Variants in ARHGEF10 observed in about 807,000 individuals in gnomAD.
ARHGEF10 encodes Rho guanine nucleotide exchange factor 10, also known as Rho guanine nucleotide exchange factor (GEF) 10.
ARHGEF10 carries 140 observed loss-of-function variants against 147.4 expected under a neutral mutation model. The ratio of observed to expected loss-of-function variants is 0.95; its 90% CI spans 0.83 to 1.09. ARHGEF10 has a LOEUF of 1.09. Among genes scored for constraint, ARHGEF10 ranks in the 50% least tolerant of loss-of-function variants. The pLI is 0.00. For missense variants in ARHGEF10, 2,222 were observed against 1,752.7 expected (o/e 1.27, Z -4.78); for synonymous variants, 902 against 695.8 (o/e 1.30, Z -4.67).
rs138644258 is a variant in ARHGEF10 at position 1,865,988 on chromosome 8, G to A, written c.546-538G>A. Among the ~76,000 whole-genome samples the A allele has an allele frequency of 9.8e-3, 1,498 of 152,280 alleles. 35 individuals are homozygous for A. The highest frequency in any genetic ancestry group is 0.034 in the African/African-American group (1,405 of 41,540). ...TCATCCTTCCGAGTGGAGCATTCCCGTAGCTACCCATTGCAAAGGATGACA... is the reference window on the plus strand; with the variant it reads ...TCATCCTTCCGAGTGGAGCATTCCCATAGCTACCCATTGCAAAGGATGACA... On this transcript the variant is annotated intron_variant, in intron 5 of 28. Coordinates refer to ENST00000349830, the MANE Select transcript of ARHGEF10 (RefSeq NM_014629.4).
rs56203106 is a variant in ARHGEF10, at chr8:1,858,167, A to G, written c.193+52A>G. Reference sequence around the variant, plus strand: ...GAGTCCCCAGGTGGGTCCCCAGGTGAGTCCCCAGGTGGGTCCCCATGTGAG... The same window carrying G: ...GAGTCCCCAGGTGGGTCCCCAGGTGGGTCCCCAGGTGGGTCCCCATGTGAG... On this transcript the variant is annotated intron_variant, in intron 3 of 28. Coordinates refer to ENST00000349830, the MANE Select transcript of ARHGEF10 (RefSeq NM_014629.4). 0.42 allele frequency: 524,529 copies of G among 1,247,260 alleles called. 91,141 individuals carry two copies. Among genetic ancestry groups the G allele is most frequent in the East Asian group, 0.5 (18,180 of 36,160 alleles). 77.3% of individuals were successfully genotyped at this position (1,247,260 alleles called of 1,614,324 possible).
At chr8:1,911,474 G>T (rs946936571) in intron 18 of ARHGEF10, among the ~76,000 whole-genome samples, 1 of 152,164 alleles carries the variant, frequency 6.6e-6, no homozygotes, top group African/African-American at 2.4e-5. Context: ...TATTTAAAAT[G>T]TGCTAATTCT....
chr8:1,917,727 A>T (rs181304413), intron 18 of ARHGEF10, among the ~76,000 whole-genome samples: 188 of 152,102 alleles, frequency 1.2e-3, no homozygotes, highest in African/African-American at 4.3e-3. Context: ...CTGGAAGTCA[A>T]CTCTAACAAA....
At chr8:1,851,425 C>T (rs1011431733) in intron 2 of ARHGEF10, among the ~76,000 whole-genome samples, 3 of 152,186 alleles carry the variant, frequency 2.0e-5, no homozygotes, top group African/African-American at 4.8e-5. Context: ...CTAACACACA[C>T]CGTGGGCTTT....
chr8:1,912,648 C>G (rs142723762), intron 18 of ARHGEF10, among the ~76,000 whole-genome samples: 1 of 143,606 alleles, frequency 7.0e-6, no homozygotes, highest in African/African-American at 2.6e-5. Context: ...GTGGCACTTT[C>G]CTCTCTTGCA....
At chr8:1,907,002 C>T (rs571434865) in intron 17 of ARHGEF10, among the ~76,000 whole-genome samples, 2 of 152,226 alleles carry the variant, frequency 1.3e-5, no homozygotes, top group Non-Finnish European at 2.9e-5. Flanking sequence ...GGACGCCTGG[C>T]GACAGCCGCA....
intron 27 of ARHGEF10, among the ~76,000 whole-genome samples, chr8:1,946,252 A>G (rs1814581787): frequency 6.6e-6 from 1 of 152,100 alleles, no homozygotes; most frequent in Non-Finnish European, 1.5e-5. Context: ...GGGTCCGTGG[A>G]AGGGCTGTTT....
At chr8:1,893,485 C>G (rs1165158631) in intron 11 of ARHGEF10, 84 bp from the exon 12 acceptor site, 31 of 905,912 alleles carry the variant, frequency 3.4e-5, no homozygotes, top group Non-Finnish European at 5.4e-5. Context: ...AGTTACTTAT[C>G]AGCAAGCCTC....
chr8:1,951,238 A>G (rs561102234), intron 27 of ARHGEF10, among the ~76,000 whole-genome samples: 2 of 152,334 alleles, frequency 1.3e-5, no homozygotes, highest in African/African-American at 4.8e-5. Context: ...CGTGTTGTAG[A>G]GCGGTCAGCA....
chr8:1,919,652 G>A (rs1365882843), intron 18 of ARHGEF10, among the ~76,000 whole-genome samples: 2 of 147,544 alleles, frequency 1.4e-5, no homozygotes, highest in Non-Finnish European at 3.0e-5. Context: ...GTGATGAGCT[G>A]TTCTGTCAGT....
At chr8:1,876,769 C>G (rs1306618946) in intron 8 of ARHGEF10, 35 bp downstream of exon 8, 11 of 1,611,240 alleles carry the variant, frequency 6.8e-6, no homozygotes, top group South Asian at 5.5e-5. Flanking sequence ...GGATGGTTCT[C>G]TCGCGTTAAC....
chr8:1,875,504 T>C (rs1359668643), intron 7 of ARHGEF10, among the ~76,000 whole-genome samples: 1 of 152,154 alleles, frequency 6.6e-6, no homozygotes, highest in Non-Finnish European at 1.5e-5. Context: ...CTGAGCTGAG[T>C]TGCTGAGACT....
rs1256159724 is a variant in ARHGEF10 at position 1,918,493 on chromosome 8, TGTGTG to T, written c.2144-4470_2144-4466del. Among the ~76,000 whole-genome samples, 543 of 152,068 alleles carry T rather than the reference TGTGTG, an allele frequency of 3.6e-3. 7 individuals are homozygous for T. Among genetic ancestry groups the T allele is most frequent in the Middle Eastern group, 6.8e-3 (2 of 294 alleles). ...GTGTGTGTGTGTGTGTGTGTGTGTGTGTGTGTGTGTGTTATTTTAAAAATGTTTAT... is the reference window on the plus strand; with the variant it reads ...GTGTGTGTGTGTGTGTGTGTGTGTGTTGTGTGTTATTTTAAAAATGTTTAT... On this transcript the variant is annotated intron_variant, in intron 18 of 28. Coordinates refer to ENST00000349830, the MANE Select transcript of ARHGEF10 (RefSeq NM_014629.4).
Position 1,956,927 on chromosome 8 carries a change from C to G in ARHGEF10, c.3699C>G (p.Ser1233Arg), listed in dbSNP as rs766271052. 1 of 1,614,168 alleles carries G rather than the reference C, an allele frequency of 6.2e-7. No homozygotes were observed. Among genetic ancestry groups the G allele is most frequent in the East Asian group, 2.2e-5 (1 of 44,876 alleles). The change falls in exon 29 of 29, where the codon AGC becomes AGG. Residue 1233 changes from serine to arginine, a missense_variant. Ser to Arg is a moderately radical substitution (Grantham distance 110, BLOSUM62 -1). Transcript: ENST00000349830. Reference sequence around the variant, plus strand: ...GTGGAGGAGCTGGTTCATCTCTGAGCCAGGGTGACCCTGACGCAGCCATCT... The same window carrying G: ...GTGGAGGAGCTGGTTCATCTCTGAGGCAGGGTGACCCTGACGCAGCCATCT... ...LPSGGAGSSL[S>R]QGDPDAAIWL...
chr8:1,843,073 A>G (rs189626006), intron 1 of ARHGEF10, among the ~76,000 whole-genome samples: 9 of 152,348 alleles, frequency 5.9e-5, no homozygotes, highest in African/African-American at 1.7e-4. Flanking sequence ...TCATTTTGGG[A>G]GGGCCTGGCT....
intron 7 of ARHGEF10, among the ~76,000 whole-genome samples, chr8:1,875,892 T>G (rs962069229): frequency 6.6e-6 from 1 of 152,208 alleles, no homozygotes; most frequent in Non-Finnish European, 1.5e-5. Flanking sequence ...AATTTAATAT[T>G]TTTAAGGCAT....
At chr8:1,922,529 TGGA>T (rs1812373502) in intron 18 of ARHGEF10, among the ~76,000 whole-genome samples, 1 of 152,120 alleles carries the variant, frequency 6.6e-6, no homozygotes, top group South Asian at 2.1e-4. Context: ...TCCCCCAGAC[TGGA>T]GGAGATTTCA....
chr8:1,852,245 C>T (rs1215313757), intron 2 of ARHGEF10, among the ~76,000 whole-genome samples: 11 of 149,784 alleles, frequency 7.3e-5, no homozygotes, highest in African/African-American at 2.7e-4. Context: ...GGGAGCAGCA[C>T]CGTTTCTGTC....
chr8:1,853,551 G>C (rs961707386), intron 2 of ARHGEF10, among the ~76,000 whole-genome samples: 23 of 152,280 alleles, frequency 1.5e-4, no homozygotes, highest in Non-Finnish European at 2.5e-4. Context: ...CTGAAGCTGG[G>C]GTTTTGAGAA....
Sources: gnomAD v4.1 joint callset for allele counts (sites outside exome capture counted in the v4.1 genomes callset) on GRCh38, gnomAD v4.1.1 for gene constraint, MANE v1.5 for transcripts, NCBI Gene and HGNC (gene_info 2026-07-23, HGNC 2026-07-21) for gene names.